Variants in MALRD1 observed in about 807,000 individuals in gnomAD.
MALRD1 encodes MAM and LDL receptor class A domain containing 1, also known as MAM and LDL-receptor class A domain-containing protein 1.
Under a neutral mutation model 242.1 loss-of-function variants are expected in MALRD1, and 247 were observed. The observed-to-expected ratio is 1.02, with a 90% CI of 0.92 to 1.13. The LOEUF is 1.13. MALRD1 is among the 50% of genes most tolerant of loss of function. The pLI is 0.00. For missense variants in MALRD1, 2,989 were observed against 2,533.1 expected, an observed-to-expected ratio of 1.18 and a Z score of -3.86; for synonymous variants, 995 against 866.6, an observed-to-expected ratio of 1.15 and a Z score of -2.60.
intron 19 of MALRD1, 129 bp downstream of exon 19, chr10:19,257,900 A>G (rs1839589280): frequency 5.1e-6 from 3 of 587,820 alleles, no homozygotes; most frequent in South Asian, 3.6e-5. Flanking sequence ...TCTCAAAACT[A>G]TTAACTCTGG....
rs1564440094 is a variant in MALRD1 at position 19,171,457 on chromosome 10, T to TACACATGTATATATACACAC, written c.1831-3746_1831-3745insTGTATATATACACACACACA. ...ATATATATATATATATATATATATA[T>TACACATGTATATATACACAC]ACACACATGTATATACACACACACA... On this transcript the variant is annotated intron_variant, in intron 13 of 39. Transcript: ENST00000454679. 9.4e-5 allele frequency among the ~76,000 whole-genome samples: 7 copies of TACACATGTATATATACACAC among 74,556 alleles called. 1 individual carries two copies. The highest frequency in any genetic ancestry group is 1.9e-4 in the Non-Finnish European group (6 of 31,924). The allele number at this position is 74,556 out of a possible 152,430, so 48.9% of individuals were successfully genotyped here.
chr10:19,405,285 G>C (rs1847043110), intron 28 of MALRD1, among the ~76,000 whole-genome samples: 1 of 152,054 alleles, frequency 6.6e-6, no homozygotes, highest in African/African-American at 2.4e-5. Context: ...TCAACAAGAA[G>C]GGTCACCTCC....
At chr10:19,729,552 A>ATG (rs374304298) in intron 38 of MALRD1, among the ~76,000 whole-genome samples, 47 of 142,062 alleles carry the variant, frequency 3.3e-4, no homozygotes, top group Non-Finnish European at 4.6e-4. Flanking sequence ...ATCCTTTCTT[A>ATG]TGTGTGTGTG....
At chr10:19,434,109 C>T (rs1477317107) in intron 28 of MALRD1, among the ~76,000 whole-genome samples, 1 of 152,144 alleles carries the variant, frequency 6.6e-6, no homozygotes, top group Non-Finnish European at 1.5e-5. Context: ...CATTAAAATT[C>T]CTCCTTCACC....
chr10:19,647,771 G>T (rs1316910010), intron 36 of MALRD1, among the ~76,000 whole-genome samples: 1 of 152,078 alleles, frequency 6.6e-6, no homozygotes, highest in African/African-American at 2.4e-5. Flanking sequence ...TAGAACTTTT[G>T]TTTCCAGCTA....
chr10:19,242,755 G>T (rs963909950), intron 18 of MALRD1, among the ~76,000 whole-genome samples: 1 of 151,598 alleles, frequency 6.6e-6, no homozygotes, highest in Non-Finnish European at 1.5e-5. Context: ...ACTCCTGCTT[G>T]CTTTTCATTT....
intron 28 of MALRD1, among the ~76,000 whole-genome samples, chr10:19,430,691 G>C (rs1339994693): frequency 6.6e-6 from 1 of 152,084 alleles, no homozygotes; most frequent in Non-Finnish European, 1.5e-5. Flanking sequence ...GCACATAAAA[G>C]ACACTTAATA....
At position 19,265,194 on chromosome 10, in the gene MALRD1, TTTTA is replaced by T. The variant is rs1420265273; in HGVS notation, c.3079+7427_3079+7430del. Reference sequence around the variant, plus strand: ...AATTAATTTTGAGTTTCATTGATCTTTTTATTTTTTTCTTCATTGTAATTATTTT... The same window carrying T: ...AATTAATTTTGAGTTTCATTGATCTTTTTTTTTCTTCATTGTAATTATTTT... On this transcript the variant is annotated intron_variant, in intron 19 of 39. Coordinates refer to ENST00000454679, the MANE Select transcript of MALRD1 (RefSeq NM_001142308.3). Among the ~76,000 whole-genome samples, 13 of 152,140 alleles carry T rather than the reference TTTTA, an allele frequency of 8.5e-5. No individual in the cohort carries two copies. The East Asian group carries it at 1.7e-3, about 20-fold the overall frequency.
chr10:19,049,538 G>A (rs1834423627), intron 1 of MALRD1, among the ~76,000 whole-genome samples: 2 of 152,192 alleles, frequency 1.3e-5, no homozygotes, highest in African/African-American at 4.8e-5. Flanking sequence ...TTTTAGATTG[G>A]TTGGGTAGAT....
rs1844651293 is a variant in MALRD1, at chr10:19,356,682, T to C, written c.4441+4385T>C. Among the ~76,000 whole-genome samples, 4 of 152,226 alleles carry C rather than the reference T, an allele frequency of 2.6e-5. No individual in the cohort carries two copies. The South Asian group carries it at 8.3e-4, about 32-fold the overall frequency. ...TACTCATGGCTATTGGTTACCCCAGTGGACAGCAAAGGAGATAAAATCAGC... is the reference window on the plus strand; with the variant it reads ...TACTCATGGCTATTGGTTACCCCAGCGGACAGCAAAGGAGATAAAATCAGC... On this transcript the variant is annotated intron_variant, in intron 26 of 39. Transcript: ENST00000454679.
intron 21 of MALRD1, among the ~76,000 whole-genome samples, chr10:19,317,088 A>C (rs569577316): frequency 1.3e-5 from 2 of 151,674 alleles, no homozygotes; most frequent in African/African-American, 4.8e-5. Context: ...TTTTTAAAGA[A>C]TGCTAGTACT....
chr10:19,368,518 C>T (rs1845203624), intron 26 of MALRD1, among the ~76,000 whole-genome samples: 1 of 151,972 alleles, frequency 6.6e-6, no homozygotes, highest in Non-Finnish European at 1.5e-5. Context: ...TTGGTTACTA[C>T]AGCTTTGTAA....
chr10:19,194,358 A>G (rs1836135372), intron 14 of MALRD1, among the ~76,000 whole-genome samples: 1 of 151,912 alleles, frequency 6.6e-6, no homozygotes, highest in South Asian at 2.1e-4. Flanking sequence ...CTCTTTAAGG[A>G]CTCTCGAGTT....
At chr10:19,288,423 C>G (rs1324725145) in intron 21 of MALRD1, among the ~76,000 whole-genome samples, 3 of 151,884 alleles carry the variant, frequency 2.0e-5, no homozygotes, top group African/African-American at 7.3e-5. Flanking sequence ...TTAATCATCC[C>G]CACCTCCCTC....
chr10:19,146,264 C>A lies in MALRD1; in HGVS notation c.1478C>A (p.Ser493Ter). 8.1e-7 allele frequency: 1 copy of A among 1,231,592 alleles called. No homozygotes were observed. Among genetic ancestry groups the A allele is most frequent in the Non-Finnish European group, 1.0e-6 (1 of 987,900 alleles). The allele number at this position is 1,231,592 out of a possible 1,614,324, so 76.3% of individuals were successfully genotyped here. ...CGWEPFLTEDSHWKLMKGLNN... is the reference protein window; with the variant it reads ...CGWEPFLTED The stretch of plus-strand genomic sequence containing the variant: ...TGGGAGCCATTTCTCACAGAAGATT[C>A]ACACTGGAAGCTGATGAAAGGATTG... Residue 493 changes from serine (S) to a stop codon, truncating the protein, a stop_gained, in exon 11 of 40, where the codon TCA (serine) becomes TAA (stop). Transcript: ENST00000454679. LOFTEE classifies it high-confidence loss of function.
intron 29 of MALRD1, among the ~76,000 whole-genome samples, chr10:19,476,895 C>G (rs1836763234): frequency 6.6e-6 from 1 of 151,366 alleles, no homozygotes; most frequent in Non-Finnish European, 1.5e-5. Context: ...CGCTTCCAAA[C>G]TCTCCATCTC....
At chr10:19,698,691 G>T (rs1697028133) in intron 38 of MALRD1, among the ~76,000 whole-genome samples, 1 of 152,140 alleles carries the variant, frequency 6.6e-6, no homozygotes, top group Admixed American at 6.6e-5. Context: ...TAGAAAACAG[G>T]TGCAAAATCT....
chr10:19,362,259 A>T (rs1264055634), intron 26 of MALRD1, among the ~76,000 whole-genome samples: 1 of 151,878 alleles, frequency 6.6e-6, no homozygotes, highest in Non-Finnish European at 1.5e-5. Flanking sequence ...TGCTATGGAA[A>T]CCACCATTTG....
At chr10:19,095,805 T>G (rs921552673) in intron 4 of MALRD1, among the ~76,000 whole-genome samples, 2 of 152,184 alleles carry the variant, frequency 1.3e-5, no homozygotes, top group African/African-American at 2.4e-5. Context: ...CAATTCCCTG[T>G]GTCTGCTTGT....
Sources: allele counts gnomAD v4.1 joint callset (sites outside exome capture counted in the v4.1 genomes callset), GRCh38; gene constraint gnomAD v4.1.1; transcripts MANE v1.5; gene names NCBI Gene and HGNC (gene_info 2026-07-23, HGNC 2026-07-21).